The following EVL variants were observed in gnomAD, a reference collection of about 807,000 sequenced individuals.
The protein encoded by EVL is Enah/Vasp-like.
EVL carries 21 observed loss-of-function variants against 59.6 expected under a neutral mutation model. The observed-to-expected ratio is 0.35, with a 90% CI of 0.25 to 0.51. EVL has a LOEUF of 0.51. EVL is among the 20% of genes least tolerant of loss of function. The pLI, the probability that EVL is intolerant of heterozygous loss-of-function variation, is 0.97. For synonymous variants in EVL, 198 were observed against 203.5 expected (o/e 0.97, Z 0.23); for missense variants, 462 against 546.6 (o/e 0.85, Z 1.54).
intron 3 of EVL, among the ~76,000 whole-genome samples, chr14:100,111,148 A>ATTTTTTTTTTTTTTT (rs35367426): frequency 3.5e-5 from 3 of 86,798 alleles, no homozygotes; most frequent in Non-Finnish European, 4.2e-5. Flanking sequence ...TAGTGTCCTC[A>ATTTTTTTTTTTTTTT]TTTTTTTTTT....
At chr14:99,975,855 C>T (rs1276709001) in intron 1 of EVL, among the ~76,000 whole-genome samples, 4 of 152,076 alleles carry the variant, frequency 2.6e-5, no homozygotes, top group Non-Finnish European at 4.4e-5. Flanking sequence ...TCTTCTATGT[C>T]TCTTAACTGT....
chr14:100,140,393 G>C (rs1044368122), intron 11 of EVL: 1 of 152,194 alleles, frequency 6.6e-6, no homozygotes, highest in Non-Finnish European at 1.5e-5. Context: ...GGTGGATCTC[G>C]TGAGGTCAGG....
At chr14:100,065,532 AG>A in intron 1 of EVL, 21 bp downstream of exon 1, 1 of 1,411,654 alleles carries the variant, frequency 7.1e-7, no homozygotes, top group Non-Finnish European at 9.6e-7. Context: ...GAACCAGTGC[AG>A]GGGACAGAGG....
At chr14:99,998,853 G>T (rs1427126321) in intron 1 of EVL, among the ~76,000 whole-genome samples, 2 of 152,036 alleles carry the variant, frequency 1.3e-5, no homozygotes, top group Non-Finnish European at 2.9e-5. Flanking sequence ...GGAGGAAATT[G>T]GTGTTTAGAA....
intron 1 of EVL, among the ~76,000 whole-genome samples, chr14:99,989,863 T>G (rs1176526172): frequency 6.6e-6 from 1 of 152,228 alleles, no homozygotes; most frequent in South Asian, 2.1e-4. Context: ...GCTTTTATAC[T>G]TGTAGTAGTA....
At position 100,099,727 on chromosome 14, in the gene EVL, C is replaced by CT. The variant is rs760607520; in HGVS notation, c.358+2085dup. 1.7e-3 allele frequency among the ~76,000 whole-genome samples: 240 copies of CT among 138,128 alleles called. 1 individual carries two copies. Among genetic ancestry groups the CT allele is most frequent in the Admixed American group, 4.2e-3 (58 of 13,856 alleles). The allele number at this position is 138,128 out of a possible 152,430, so 90.6% of individuals were successfully genotyped here. On this transcript the variant is annotated intron_variant, in intron 3 of 13. Transcript: ENST00000392920. Reference sequence around the variant, plus strand: ...CTGCCTCCAGGATGTGGGAGTTAAGCTTTTTTTTTTTTTTTTAATTTTATT... The same window carrying CT: ...CTGCCTCCAGGATGTGGGAGTTAAGCTTTTTTTTTTTTTTTTTAATTTTATT...
chr14:99,994,935 A>G (rs906508772), intron 1 of EVL, among the ~76,000 whole-genome samples: 7 of 152,182 alleles, frequency 4.6e-5, no homozygotes, highest in African/African-American at 1.4e-4. Flanking sequence ...CTTATTTGAC[A>G]GTTATTTTTT....
At chr14:100,004,259 C>A (rs1043004705) in intron 1 of EVL, among the ~76,000 whole-genome samples, 3 of 152,024 alleles carry the variant, frequency 2.0e-5, no homozygotes, top group Admixed American at 6.5e-5. Context: ...CCACAACAAA[C>A]AGAACTCAAG....
rs1165006494 is a variant in EVL at position 100,109,277 on chromosome 14, G to C, written c.358+11619G>C. ...CTGCGTCTAAAGGGGCCCCGCCCCT[G>C]CCCTCATGCATGTTCTCTCCATACT... On this transcript the variant is annotated intron_variant, in intron 3 of 13. Transcript: ENST00000392920. This position sits in a 1 kb window ranked among gnomAD's most constrained non-coding sequence, Gnocchi z 4.3. The C allele has an allele frequency of 3.0e-6, 1 of 328,486 alleles. No homozygotes were observed. Among genetic ancestry groups the C allele is most frequent in the Non-Finnish European group, 5.9e-6 (1 of 168,338 alleles). 20.3% of individuals were successfully genotyped at this position (328,486 alleles called of 1,614,324 possible).
At chr14:100,074,687 G>T (rs55765983) in intron 1 of EVL, 2,725 of 152,774 alleles carry the variant, frequency 0.018, 36 homozygotes, top group Non-Finnish European at 0.027. Flanking sequence ...GTGGGCACCA[G>T]CCAGCCAGAC....
intron 1 of EVL, among the ~76,000 whole-genome samples, chr14:99,991,158 A>G (rs1467326257): frequency 2.6e-5 from 4 of 152,176 alleles, no homozygotes; most frequent in Admixed American, 2.6e-4. Flanking sequence ...GAAGACATTT[A>G]TGATTATCCA....
rs756579670 is a variant in EVL, at chr14:100,126,756, A to G, written c.472A>G (p.Arg158Gly). The G allele has an allele frequency of 8.1e-6, 13 of 1,613,918 alleles. No individual in the cohort carries two copies. The highest frequency in any genetic ancestry group is 1.1e-5 in the Non-Finnish European group (13 of 1,180,014). The change falls in exon 5 of 14, where the codon AGA (arginine) becomes GGA (glycine). Residue 158 changes from arginine (R) to glycine (G), a missense_variant. Transcript: ENST00000392920. ...QQQRQESLERRTSATGPILPP... is the reference protein window; with the variant it reads ...QQQRQESLERGTSATGPILPP... Reference sequence around the variant, plus strand: ...GCAGCGTCAGGAATCTCTAGAAAGAAGAACCTCGGCCACAGGTGAGAGCCC... The same window carrying G: ...GCAGCGTCAGGAATCTCTAGAAAGAGGAACCTCGGCCACAGGTGAGAGCCC...
intron 1 of EVL, among the ~76,000 whole-genome samples, chr14:100,078,564 G>A (rs1484720292): frequency 3.3e-5 from 5 of 151,024 alleles, no homozygotes; most frequent in African/African-American, 1.2e-4. Flanking sequence ...GGCTTGGAGA[G>A]TGACGGCAGG....
chr14:100,040,422 C>T (rs1182505656), intron 1 of EVL, among the ~76,000 whole-genome samples: 1 of 152,152 alleles, frequency 6.6e-6, no homozygotes, highest in Non-Finnish European at 1.5e-5. Context: ...TTCTTTTTGT[C>T]ATTGTTTCCC....
intron 1 of EVL, among the ~76,000 whole-genome samples, chr14:100,005,951 A>T (rs1336417364): frequency 6.8e-6 from 1 of 146,538 alleles, no homozygotes; most frequent in Non-Finnish European, 1.5e-5. Context: ...TGTGACGTAA[A>T]TAAAGCCCTT....
intron 1 of EVL, among the ~76,000 whole-genome samples, chr14:99,976,652 A>G (rs1206319189): frequency 6.6e-6 from 1 of 152,178 alleles, no homozygotes; most frequent in Non-Finnish European, 1.5e-5. Context: ...CTGCTGTTAT[A>G]AGGCACATGG....
chr14:100,065,649 C>T (rs567523562), intron 1 of EVL, 138 bp downstream of exon 1: 11 of 417,236 alleles, frequency 2.6e-5, no homozygotes, highest in Admixed American at 4.6e-5. Context: ...GGGCAGGGGG[C>T]TTACATGAGG....
rs1357345145 is a variant in EVL at position 100,123,465 on chromosome 14, G to C, written c.359-74G>C. The C allele has an allele frequency of 2.7e-6, 4 of 1,475,112 alleles. No homozygotes were observed. In the Admixed American group the frequency reaches 5.5e-5, roughly 20 times the overall value. 91.4% of individuals were successfully genotyped at this position (1,475,112 alleles called of 1,614,324 possible). ...TGCAGCCAGAAGGTGGGCAGAGATAGAGAGCACTCCAGTTGGGTTTGCTGG... is the reference window on the plus strand; with the variant it reads ...TGCAGCCAGAAGGTGGGCAGAGATACAGAGCACTCCAGTTGGGTTTGCTGG... On this transcript the variant is annotated intron_variant, in intron 3 of 13. Coordinates refer to ENST00000392920, the MANE Select transcript of EVL (RefSeq NM_016337.3).
In EVL at chr14:100,068,460, A is replaced by G. The variant is rs144776683; in HGVS notation, c.11+2949A>G. ...GAGGGTTTGAAGCAAAGGGAAAGAC[A>G]TCTCATAGAAGCTTAAGAAAATCAC... On this transcript the variant is annotated intron_variant, in intron 1 of 13. Transcript: ENST00000392920. Among the ~76,000 whole-genome samples, 122 of 152,336 alleles carry G rather than the reference A, an allele frequency of 8.0e-4. 2 individuals are homozygous for G. Among genetic ancestry groups the G allele is most frequent in the Non-Finnish European group, 1.4e-3 (93 of 68,032 alleles).
Sources: gnomAD v4.1 joint callset for allele counts (sites outside exome capture counted in the v4.1 genomes callset) on GRCh38, gnomAD v4.1.1 for gene constraint, Gnocchi (gnomAD v3.1) non-coding constraint, MANE v1.5 for transcripts, NCBI Gene and HGNC (gene_info 2026-07-23, HGNC 2026-07-21) for gene names.